RGS20: variants seen among roughly 807,000 people sequenced by gnomAD.
RGS20 encodes the protein regulator of G protein signaling 20.
RGS20 carries 30 observed loss-of-function variants against 33.6 expected under a neutral mutation model. The observed-to-expected ratio is 0.89, with a 90% CI of 0.67 to 1.21. RGS20 has a LOEUF of 1.21. RGS20 is among the 50% of genes most tolerant of loss of function. The pLI is 0.00. For missense variants in RGS20, 472 were observed against 502.4 expected, an observed-to-expected ratio of 0.94 and a Z score of 0.58; for synonymous variants, 208 against 197.9, an observed-to-expected ratio of 1.05 and a Z score of -0.43.
At chr8:53,958,121 G>A in intron 5 of RGS20, 149 bp from the exon 5 acceptor site, 1 of 559,268 alleles carries the variant, frequency 1.8e-6, no homozygotes, top group Non-Finnish European at 3.0e-6. Flanking sequence ...GGGTGACAGA[G>A]TAAGACTCTG....
intron 2 of RGS20, among the ~76,000 whole-genome samples, chr8:53,918,104 G>A (rs554427587): frequency 5.3e-5 from 8 of 152,168 alleles, no homozygotes; most frequent in South Asian, 4.2e-4. Flanking sequence ...ATCATACACC[G>A]TAAGGCTCAC....
At chr8:53,881,058 C>T in intron 2 of RGS20, 1 of 1,552,076 alleles carries the variant, frequency 6.4e-7, no homozygotes, top group Non-Finnish European at 8.6e-7. Flanking sequence ...GGCTTCCTCC[C>T]CGGCCGGCAG....
chr8:53,892,011 G>C (rs1351654765), intron 2 of RGS20, among the ~76,000 whole-genome samples: 1 of 151,898 alleles, frequency 6.6e-6, no homozygotes, highest in Non-Finnish European at 1.5e-5. Context: ...TTTAGCATTA[G>C]GTATATCTCC....
chr8:53,939,860 G>A, intron 3 of RGS20, 136 bp downstream of exon 2: 1 of 1,009,916 alleles, frequency 9.9e-7, no homozygotes, highest in Non-Finnish European at 1.4e-6. Context: ...ACTACTATAT[G>A]CCTGACACAC....
rs542907240 is a variant in RGS20, at chr8:53,876,986, G to C, written c.166-2272G>C. Reference sequence around the variant, plus strand: ...GGGGCAGGGGCTTGCAAGTGACTTGGGAAGAAGGACTGGGGCGAAGGGAGA... The same window carrying C: ...GGGGCAGGGGCTTGCAAGTGACTTGCGAAGAAGGACTGGGGCGAAGGGAGA... On this transcript the variant is annotated intron_variant, in intron 1 of 5. Coordinates refer to ENST00000297313, the MANE Select transcript of RGS20 (RefSeq NM_170587.4). 9.5e-4 allele frequency among the ~76,000 whole-genome samples: 144 copies of C among 152,310 alleles called. 1 individual carries two copies. The highest frequency in any genetic ancestry group is 3.3e-3 in the African/African-American group (137 of 41,570).
At chr8:53,864,190 C>T (rs1811870347) in intron 1 of RGS20, among the ~76,000 whole-genome samples, 1 of 151,854 alleles carries the variant, frequency 6.6e-6, no homozygotes, top group South Asian at 2.1e-4. Flanking sequence ...CTTTGGGAGG[C>T]CAAGGCAGGT....
intron 2 of RGS20, among the ~76,000 whole-genome samples, chr8:53,911,597 G>A (rs1174083782): frequency 2.0e-5 from 3 of 152,150 alleles, no homozygotes; most frequent in Non-Finnish European, 4.4e-5. Context: ...AAACTACGTA[G>A]AAAAAATCGA....
At chr8:53,882,811 C>T (rs980506924) in intron 2 of RGS20, among the ~76,000 whole-genome samples, 2 of 152,148 alleles carry the variant, frequency 1.3e-5, no homozygotes, top group Non-Finnish European at 2.9e-5. Flanking sequence ...TGCACGCGGG[C>T]TCCTCATTGC....
intron 2 of RGS20, among the ~76,000 whole-genome samples, chr8:53,907,386 A>ATT (rs1441760257): frequency 6.6e-6 from 1 of 152,098 alleles, no homozygotes; most frequent in Non-Finnish European, 1.5e-5. Context: ...GGAGTTCAAG[A>ATT]CCAGCCTGGC....
At chr8:53,866,462 C>T (rs569014976) in intron 1 of RGS20, among the ~76,000 whole-genome samples, 11 of 152,008 alleles carry the variant, frequency 7.2e-5, no homozygotes, top group South Asian at 4.2e-4. Context: ...CTGCAACCTC[C>T]GCCTCCCAGG....
chr8:53,913,796 AT>A (rs1199041719), intron 2 of RGS20: 1 of 152,308 alleles, frequency 6.6e-6, no homozygotes, highest in Admixed American at 6.6e-5. Context: ...GCAAGAATAA[AT>A]TTCTGTTGTT....
intron 2 of RGS20, among the ~76,000 whole-genome samples, chr8:53,936,014 T>C (rs972509030): frequency 6.6e-6 from 1 of 152,172 alleles, no homozygotes; most frequent in Non-Finnish European, 1.5e-5. Flanking sequence ...ATTATCTCAA[T>C]AGATGCAGAA....
intron 1 of RGS20, among the ~76,000 whole-genome samples, chr8:53,857,414 T>C (rs1196973485): frequency 1.3e-5 from 2 of 152,172 alleles, no homozygotes; most frequent in Non-Finnish European, 2.9e-5. Flanking sequence ...GGTATGCTCT[T>C]TGGGAAAGTG....
intron 3 of RGS20, among the ~76,000 whole-genome samples, chr8:53,940,162 A>T (rs1814247952): frequency 1.3e-5 from 2 of 152,196 alleles, no homozygotes; most frequent in African/African-American, 4.8e-5. Flanking sequence ...TTGTTTTGTA[A>T]TAAAGAGAAA....
intron 2 of RGS20, among the ~76,000 whole-genome samples, chr8:53,882,115 C>A (rs751631707): frequency 2.3e-4 from 35 of 152,046 alleles, no homozygotes; most frequent in Non-Finnish European, 5.0e-4. Context: ...GGCGGAGGAG[C>A]CCTGAGAGAA....
chr8:53,948,561 TAC>T (rs1425318426), intron 4 of RGS20, among the ~76,000 whole-genome samples: 56 of 61,462 alleles, frequency 9.1e-4, no homozygotes, highest in African/African-American at 2.1e-3. Context: ...TATGATACAG[TAC>T]ATATTTACAT....
intron 1 of RGS20, among the ~76,000 whole-genome samples, chr8:53,859,555 T>G (rs1328317893): frequency 6.6e-6 from 1 of 152,172 alleles, no homozygotes; most frequent in Non-Finnish European, 1.5e-5. Flanking sequence ...TCACTGCAAA[T>G]GTTTTAGAAA....
intron 1 of RGS20, among the ~76,000 whole-genome samples, chr8:53,865,703 C>A (rs1031349601): frequency 6.6e-6 from 1 of 152,138 alleles, no homozygotes; most frequent in Non-Finnish European, 1.5e-5. Flanking sequence ...GCCTCCTGGG[C>A]TCAAGCTGTT....
chr8:53,931,385 T>C (rs964873794), intron 2 of RGS20, among the ~76,000 whole-genome samples: 1 of 152,088 alleles, frequency 6.6e-6, no homozygotes, highest in Non-Finnish European at 1.5e-5. Flanking sequence ...TGAAACCCCA[T>C]CTCTACTAAA....
Sources: gnomAD v4.1 joint callset for allele counts (sites outside exome capture counted in the v4.1 genomes callset) on GRCh38, gnomAD v4.1.1 for gene constraint, MANE v1.5 for transcripts, NCBI Gene and HGNC (gene_info 2026-07-23, HGNC 2026-07-21) for gene names.